Variants in CDH7 observed in about 807,000 individuals in gnomAD.
The protein encoded by CDH7 is cadherin-7.
A neutral mutation model predicts 71.8 loss-of-function variants in CDH7; 25 were observed. That is an observed-to-expected ratio of 0.35 (90% CI 0.25 to 0.49). The LOEUF (loss-of-function observed/expected upper bound fraction) is 0.49. CDH7 is among the 20% of genes least tolerant of loss of function. The pLI is 0.99. For missense variants in CDH7, 862 were observed against 974.6 expected, an observed-to-expected ratio of 0.88 and a Z score of 1.54; for synonymous variants, 381 against 363.8, an observed-to-expected ratio of 1.05 and a Z score of -0.54.
At position 65,840,759 on chromosome 18, in the gene CDH7, A is replaced by T. The variant is rs185916717; in HGVS notation, c.982-3053A>T. Among the ~76,000 whole-genome samples the T allele has an allele frequency of 1.4e-4, 22 of 152,246 alleles. No homozygotes were observed. The East Asian group carries it at 4.1e-3, about 28-fold the overall frequency. ...AGTCCATTAAACCTCTTTCTTTTGT[A>T]AATTGCCCAATCTTGGGTATGTCTT... On this transcript the variant is annotated intron_variant, in intron 6 of 11. Transcript: ENST00000397968.
At chr18:65,792,063 A>T (rs1211719975) in intron 2 of CDH7, among the ~76,000 whole-genome samples, 2 of 152,072 alleles carry the variant, frequency 1.3e-5, no homozygotes, top group Non-Finnish European at 2.9e-5. Context: ...TATTTATCAC[A>T]TAGGGGCATG....
intron 6 of CDH7, among the ~76,000 whole-genome samples, chr18:65,828,203 G>A (rs550979586): frequency 5.3e-5 from 8 of 151,988 alleles, no homozygotes; most frequent in South Asian, 2.1e-4. Context: ...TTTCTCATCC[G>A]TATTGGAATA....
chr18:65,774,240 T>A (rs1916632722), intron 2 of CDH7, among the ~76,000 whole-genome samples: 1 of 151,904 alleles, frequency 6.6e-6, no homozygotes, highest in African/African-American at 2.4e-5. Context: ...GAAAACAATC[T>A]AAGAAAAAAT....
In CDH7 at chr18:65,799,691, A is replaced by G. The variant is rs908639265; in HGVS notation, c.211-10013A>G. On this transcript the variant is annotated intron_variant, in intron 2 of 11. Transcript: ENST00000397968. ...ACTCTGTGTCAAAAAAAAAAAAAGT[A>G]CAATCCCACTCTGATCCTTTGGTTC... Among the ~76,000 whole-genome samples, 7 of 151,858 alleles carry G rather than the reference A, an allele frequency of 4.6e-5. No individual in the cohort carries two copies. In the South Asian group the frequency reaches 8.3e-4, roughly 18 times the overall value.
At chr18:65,773,670 T>A (rs921547001) in intron 2 of CDH7, among the ~76,000 whole-genome samples, 1 of 152,024 alleles carries the variant, frequency 6.6e-6, no homozygotes, top group Non-Finnish European at 1.5e-5. Context: ...TAAAAAGAAA[T>A]ACAAATGCAC....
chr18:65,832,062 A>G (rs1194030599), intron 6 of CDH7, among the ~76,000 whole-genome samples: 2 of 152,130 alleles, frequency 1.3e-5, no homozygotes, highest in Non-Finnish European at 2.9e-5. Flanking sequence ...TCACATTTGG[A>G]CAATAAAGCT....
intron 4 of CDH7, among the ~76,000 whole-genome samples, chr18:65,817,731 A>G (rs1911771041): frequency 6.6e-6 from 1 of 152,180 alleles, no homozygotes; most frequent in African/African-American, 2.4e-5. Context: ...TATTTCTTTC[A>G]TATTTGATTT....
intron 2 of CDH7, among the ~76,000 whole-genome samples, chr18:65,791,415 T>G (rs549883004): frequency 2.6e-5 from 4 of 152,318 alleles, no homozygotes; most frequent in African/African-American, 9.6e-5. Context: ...AGCTATATTG[T>G]TTTACATTAT....
At chr18:65,837,304 G>T (rs745513350) in intron 6 of CDH7, among the ~76,000 whole-genome samples, 31 of 152,164 alleles carry the variant, frequency 2.0e-4, no homozygotes, top group Non-Finnish European at 3.8e-4. Context: ...CTTGGCTAAA[G>T]CAAAGGGCTG....
chr18:65,791,229 T>A (rs72937997), intron 2 of CDH7, among the ~76,000 whole-genome samples: 27 of 152,342 alleles, frequency 1.8e-4, no homozygotes, highest in Non-Finnish European at 2.6e-4. Context: ...TGTTTACATA[T>A]GTGTGCATGT....
At chr18:65,843,765 T>C (rs1912820955) in intron 6 of CDH7, 47 bp from the exon 7 acceptor site, 1 of 1,454,668 alleles carries the variant, frequency 6.9e-7, no homozygotes, top group South Asian at 1.5e-5. Context: ...TCTGCTTTGC[T>C]GACTGTTTAA....
intron 2 of CDH7, among the ~76,000 whole-genome samples, chr18:65,805,634 A>C (rs949368140): frequency 1.3e-5 from 2 of 152,228 alleles, no homozygotes; most frequent in African/African-American, 4.8e-5. Context: ...GAGCATGAAC[A>C]TAGCAATAGA....
intron 11 of CDH7, among the ~76,000 whole-genome samples, chr18:65,871,225 A>G (rs1913917221): frequency 1.3e-5 from 2 of 152,348 alleles, no homozygotes; most frequent in African/African-American, 4.8e-5. Context: ...TCCACAATGT[A>G]TGACCTATTA....
intron 2 of CDH7, among the ~76,000 whole-genome samples, chr18:65,781,794 C>CTTT (rs1910215781): frequency 1.4e-5 from 1 of 72,378 alleles, no homozygotes; most frequent in African/African-American, 9.2e-5. Context: ...TTCCTTCCTT[C>CTTT]CTTCCTTCCT....
chr18:65,800,291 G>A lies in CDH7; in HGVS notation c.211-9413G>A, dbSNP rs1046261250. On this transcript the variant is annotated intron_variant, in intron 2 of 11. Coordinates refer to ENST00000397968, the MANE Select transcript of CDH7 (RefSeq NM_004361.5). ...AGACAGGGTTTCACCATGTTAGCCA[G>A]GATGGTCTCGATCTCCTGACCTTGT... 4.6e-5 allele frequency among the ~76,000 whole-genome samples: 7 copies of A among 152,056 alleles called. 1 individual carries two copies. The highest frequency in any genetic ancestry group is 4.6e-4 in the Admixed American group (7 of 15,256).
chr18:65,880,265 G>T, intron 11 of CDH7, 136 bp from the exon 12 acceptor site: 1 of 835,054 alleles, frequency 1.2e-6, no homozygotes, highest in Non-Finnish European at 1.8e-6. Context: ...GTGAATCCTT[G>T]TGGAAGTAGG....
chr18:65,853,056 T>C (rs536985443), intron 7 of CDH7, among the ~76,000 whole-genome samples: 7 of 152,254 alleles, frequency 4.6e-5, no homozygotes, highest in Admixed American at 2.6e-4. Flanking sequence ...GCATAATAAG[T>C]GGATGGGGCA....
At chr18:65,778,284 A>T (rs1324831918) in intron 2 of CDH7, among the ~76,000 whole-genome samples, 62 of 142,028 alleles carry the variant, frequency 4.4e-4, no homozygotes, top group Middle Eastern at 3.4e-3. Context: ...AAAAAAAAAA[A>T]AAAAAAAAAA....
chr18:65,838,518 G>A (rs926868006), intron 6 of CDH7, among the ~76,000 whole-genome samples: 3 of 152,132 alleles, frequency 2.0e-5, no homozygotes, highest in African/African-American at 7.2e-5. Context: ...ATCCAGCCCT[G>A]ATAGTGTCAT....
Sources: allele counts gnomAD v4.1 joint callset (sites outside exome capture counted in the v4.1 genomes callset), GRCh38; gene constraint gnomAD v4.1.1; transcripts MANE v1.5; gene names NCBI Gene and HGNC (gene_info 2026-07-23, HGNC 2026-07-21).